Variants in EXOC4 observed in about 807,000 individuals in gnomAD.
EXOC4 encodes exocyst complex component 4.
A neutral mutation model predicts 107.2 loss-of-function variants in EXOC4; 71 were observed. The ratio of observed to expected loss-of-function variants is 0.66; its 90% confidence interval spans 0.55 to 0.81. The LOEUF (loss-of-function observed/expected upper bound fraction) is 0.81, where lower values mean the gene tolerates loss of function less well. Among genes scored for constraint, EXOC4 ranks in the 30% least tolerant of loss-of-function variants. The pLI is 0.00. For synonymous variants in EXOC4, 456 were observed against 441.2 expected, an observed-to-expected ratio of 1.03 and a Z score of -0.42; for missense variants, 1,108 against 1,189.6, an observed-to-expected ratio of 0.93 and a Z score of 1.01.
At chr7:133,649,827 G>C (rs796519335) in intron 10 of EXOC4, among the ~76,000 whole-genome samples, 7 of 152,196 alleles carry the variant, frequency 4.6e-5, no homozygotes, top group African/African-American at 1.7e-4. Context: ...CAGTATTTTT[G>C]TTGATGCTGT....
At chr7:133,356,811 C>T (rs1194763072) in intron 6 of EXOC4, among the ~76,000 whole-genome samples, 7 of 152,130 alleles carry the variant, frequency 4.6e-5, no homozygotes. Flanking sequence ...GAAACCCTGT[C>T]TCTACTAAAA....
At chr7:133,645,700 C>T (rs988845316) in intron 10 of EXOC4, among the ~76,000 whole-genome samples, 11 of 152,018 alleles carry the variant, frequency 7.2e-5, no homozygotes, top group Non-Finnish European at 8.8e-5. Context: ...CACAGTTCAT[C>T]GTTCAGGTTT....
rs1224383734 is a variant in EXOC4 at position 133,959,570 on chromosome 7, T to A, written c.2206+21501T>A. Among the ~76,000 whole-genome samples, 3 of 150,474 alleles carry A rather than the reference T, an allele frequency of 2.0e-5. No homozygotes were observed. In the East Asian group the frequency reaches 5.9e-4, roughly 30 times the overall value. ...GGGCCATAAAAAAAATTAAGAAAAA[T>A]TCCCAAAATGGAAAACAGGAATTCT... On this transcript the variant is annotated intron_variant, in intron 14 of 17. Transcript: ENST00000253861.
chr7:133,343,192 A>G (rs916211316), intron 5 of EXOC4, among the ~76,000 whole-genome samples: 4 of 151,634 alleles, frequency 2.6e-5, no homozygotes, highest in Non-Finnish European at 5.9e-5. Flanking sequence ...TGCTGTTTAA[A>G]TTTTTTTTGG....
At chr7:133,969,721 A>G (rs918643024) in intron 14 of EXOC4, among the ~76,000 whole-genome samples, 1 of 152,184 alleles carries the variant, frequency 6.6e-6, no homozygotes, top group Non-Finnish European at 1.5e-5. Context: ...GTTTTGTCCC[A>G]GAGGGGCACC....
chr7:133,453,547 A>G (rs1012834281), intron 7 of EXOC4, among the ~76,000 whole-genome samples: 3 of 152,184 alleles, frequency 2.0e-5, no homozygotes, highest in African/African-American at 7.2e-5. Context: ...ATTAACTTTC[A>G]GACTACTTTT....
intron 9 of EXOC4, among the ~76,000 whole-genome samples, chr7:133,576,017 C>G (rs537174172): frequency 6.6e-6 from 1 of 152,296 alleles, no homozygotes; most frequent in Admixed American, 6.5e-5. Context: ...TCCGCTTACT[C>G]CTTCAGCTCA....
At chr7:134,093,563 C>T in the EXOC4 span, among the ~76,000 whole-genome samples, 2 of 152,128 alleles carry the variant, frequency 1.3e-5, no homozygotes, top group Non-Finnish European at 2.9e-5. Context: ...CTCAACACTT[C>T]ACCAATTGGA....
chr7:134,069,144 A>G (rs1250560653), downstream of EXOC4, among the ~76,000 whole-genome samples: 1 of 152,142 alleles, frequency 6.6e-6, no homozygotes. Flanking sequence ...CTGGAAGCTT[A>G]GGACTCTCAC....
In EXOC4 at chr7:133,649,467, C is replaced by CTTTTTTTTTTTTTTT. The variant is rs61225754; in HGVS notation, c.1514+19330_1514+19344dup. The stretch of plus-strand genomic sequence containing the variant: ...TGTGTGTGAAGCATTACTACTTTTT[C>CTTTTTTTTTTTTTTT]TTTTTTTTTTTTTTTTTTAACCAGT... On this transcript the variant is annotated intron_variant, in intron 10 of 17. Coordinates refer to ENST00000253861, the MANE Select transcript of EXOC4 (RefSeq NM_021807.4). Among the ~76,000 whole-genome samples the CTTTTTTTTTTTTTTT allele has an allele frequency of 2.3e-5, 2 of 85,404 alleles. 1 individual carries two copies. The allele number at this position is 85,404 out of a possible 152,430, so 56.0% of individuals were successfully genotyped here.
chr7:133,930,072 C>T (rs186282901), intron 13 of EXOC4, among the ~76,000 whole-genome samples: 3 of 152,256 alleles, frequency 2.0e-5, no homozygotes, highest in East Asian at 1.9e-4. Context: ...TAAACCTATA[C>T]TCAGTAGTGG....
intron 7 of EXOC4, among the ~76,000 whole-genome samples, chr7:133,411,813 G>A (rs1020687293): frequency 6.6e-6 from 1 of 152,078 alleles, no homozygotes; most frequent in African/African-American, 2.4e-5. Context: ...TATCTTCAAG[G>A]TCACAAAAGT....
chr7:133,871,843 C>G (rs1798757776), intron 11 of EXOC4, among the ~76,000 whole-genome samples: 1 of 152,160 alleles, frequency 6.6e-6, no homozygotes, highest in Admixed American at 6.6e-5. Flanking sequence ...ACAGTATCCA[C>G]CTAGCATAGT....
intron 11 of EXOC4, among the ~76,000 whole-genome samples, chr7:133,825,839 T>C (rs1239204086): frequency 6.6e-6 from 1 of 152,088 alleles, no homozygotes; most frequent in Non-Finnish European, 1.5e-5. Flanking sequence ...AACTGATCAA[T>C]TGATTTTTTT....
chr7:134,050,832 T>A (rs952488372), intron 17 of EXOC4, among the ~76,000 whole-genome samples: 1 of 152,028 alleles, frequency 6.6e-6, no homozygotes, highest in Non-Finnish European at 1.5e-5. Context: ...GTTTTTTTTT[T>A]ATTATTATTA....
At chr7:133,281,479 A>C (rs1483289850) in intron 2 of EXOC4, among the ~76,000 whole-genome samples, 1 of 151,716 alleles carries the variant, frequency 6.6e-6, no homozygotes, top group Non-Finnish European at 1.5e-5. Flanking sequence ...AAAACAAAGA[A>C]GACATCTCAG....
intron 10 of EXOC4, among the ~76,000 whole-genome samples, chr7:133,749,538 G>A (rs1462775428): frequency 1.3e-5 from 2 of 152,108 alleles, no homozygotes; most frequent in East Asian, 3.9e-4. Context: ...GACTACAGGG[G>A]CGCACCACCA....
intron 6 of EXOC4, among the ~76,000 whole-genome samples, chr7:133,370,919 G>T (rs187618877): frequency 5.5e-4 from 84 of 152,306 alleles, no homozygotes; most frequent in Admixed American, 2.2e-3. Flanking sequence ...TCACTTTGCA[G>T]ACGGGGACAC....
chr7:133,990,158 T>G (rs1384366093), intron 14 of EXOC4, among the ~76,000 whole-genome samples: 1 of 152,168 alleles, frequency 6.6e-6, no homozygotes, highest in African/African-American at 2.4e-5. Context: ...TTCCATCTAT[T>G]GTGAAGTATA....
Sources: allele counts gnomAD v4.1 joint callset (sites outside exome capture counted in the v4.1 genomes callset), GRCh38; gene constraint gnomAD v4.1.1; transcripts MANE v1.5; gene names NCBI Gene and HGNC (gene_info 2026-07-23, HGNC 2026-07-21).